The following BNC2 variants were observed in gnomAD, a reference collection of about 807,000 sequenced individuals.
BNC2 encodes the protein basonuclin zinc finger protein 2.
Under a neutral mutation model 76.3 loss-of-function variants are expected in BNC2, and 20 were observed. The observed-to-expected ratio is 0.26, with a 90% confidence interval of 0.18 to 0.38. The LOEUF is 0.38. Ranked by LOEUF, BNC2 falls within the 10% of genes least tolerant of loss-of-function variation. The pLI is 1.00. For missense variants in BNC2, 1,382 were observed against 1,399.8 expected (o/e 0.99, Z 0.20); for synonymous variants, 582 against 514.8 (o/e 1.13, Z -1.77).
At chr9:16,856,436 T>G (rs184864732) in intron 1 of BNC2, among the ~76,000 whole-genome samples, 13 of 152,166 alleles carry the variant, frequency 8.5e-5, no homozygotes, top group Non-Finnish European at 1.9e-4. Flanking sequence ...GAAGCGAAAA[T>G]ATTTCTTATT....
chr9:16,755,015 A>T (rs914294001), intron 1 of BNC2, among the ~76,000 whole-genome samples: 1 of 152,150 alleles, frequency 6.6e-6, no homozygotes, highest in Non-Finnish European at 1.5e-5. Context: ...GCCATTCTCC[A>T]CATATTGCCC....
At chr9:16,690,329 T>C (rs151115306) in intron 3 of BNC2, among the ~76,000 whole-genome samples, 1 of 151,556 alleles carries the variant, frequency 6.6e-6, no homozygotes, top group African/African-American at 2.4e-5. Context: ...GAAAGAAAAA[T>C]TAGCTGGGTG....
chr9:16,581,866 T>C (rs1049800896), intron 4 of BNC2, among the ~76,000 whole-genome samples: 1 of 152,042 alleles, frequency 6.6e-6, no homozygotes, highest in Non-Finnish European at 1.5e-5. Context: ...GACTGCAGGA[T>C]TGTGGCTGCA....
rs181973803 is a variant in BNC2, at chr9:16,626,384, A to G, written c.331-43299T>C. 47 of 152,330 alleles carry G rather than the reference A, an allele frequency of 3.1e-4. No individual in the cohort carries two copies. In the East Asian group the frequency reaches 8.1e-3, roughly 26 times the overall value. 9.4% of individuals were successfully genotyped at this position (152,330 alleles called of 1,614,324 possible). On this transcript the variant is annotated intron_variant, in intron 3 of 6. Coordinates refer to ENST00000380672, the MANE Select transcript of BNC2 (RefSeq NM_017637.6). ...CGATAAATGCTTAAAGAATATAATA[A>G]AAGTCGAAGTGTTTTTTCCTGCAAG... is the stretch of plus-strand genomic sequence containing the variant.
chr9:16,743,146 T>C (rs1340261244), intron 1 of BNC2, among the ~76,000 whole-genome samples: 1 of 152,170 alleles, frequency 6.6e-6, no homozygotes, highest in Non-Finnish European at 1.5e-5. Context: ...GGTGGAAACA[T>C]TTCTAACACA....
chr9:16,484,731 G>A (rs1396355224), intron 5 of BNC2, among the ~76,000 whole-genome samples: 2 of 152,140 alleles, frequency 1.3e-5, no homozygotes, highest in Non-Finnish European at 2.9e-5. Context: ...TTAAGTTTCA[G>A]GTGCTACATT....
chr9:16,539,832 G>GGAAAGGAAAGGAAA lies in BNC2; in HGVS notation c.669+12697_669+12698insTTTCCTTTCCTTTC, dbSNP rs1818263906. ...AGGAAAGGAAAGGAAAGGAAAGGAA[G>GGAAAGGAAAGGAAA]GGAAGGGAAGGGAAGGGAAAGGAAA... is the stretch of plus-strand genomic sequence containing the variant. On this transcript the variant is annotated intron_variant, in intron 5 of 6. Coordinates refer to ENST00000380672, the MANE Select transcript of BNC2 (RefSeq NM_017637.6). Among the ~76,000 whole-genome samples, 7 of 81,930 alleles carry GGAAAGGAAAGGAAA rather than the reference G, an allele frequency of 8.5e-5. No individual in the cohort carries two copies. In the South Asian group the frequency reaches 1.4e-3, roughly 16 times the overall value. 53.7% of individuals were successfully genotyped at this position (81,930 alleles called of 152,430 possible).
At chr9:16,455,292 C>G (rs1212625061) in intron 5 of BNC2, among the ~76,000 whole-genome samples, 1 of 152,130 alleles carries the variant, frequency 6.6e-6, no homozygotes, top group Non-Finnish European at 1.5e-5. Flanking sequence ...GCATCTTTTA[C>G]AGAAGACTTG....
At chr9:16,758,955 G>C (rs1470467065) in intron 1 of BNC2, among the ~76,000 whole-genome samples, 1 of 152,106 alleles carries the variant, frequency 6.6e-6, no homozygotes, top group Non-Finnish European at 1.5e-5. Flanking sequence ...AATGGGAAAA[G>C]TATTCTACGG....
intron 3 of BNC2, among the ~76,000 whole-genome samples, chr9:16,691,612 C>A (rs1394702711): frequency 6.8e-6 from 1 of 146,004 alleles, no homozygotes; most frequent in Non-Finnish European, 1.5e-5. Context: ...TGGGTTCAAG[C>A]GATTCTTCTG....
At chr9:16,696,371 A>G (rs1174081454) in intron 3 of BNC2, among the ~76,000 whole-genome samples, 1 of 152,138 alleles carries the variant, frequency 6.6e-6, no homozygotes, top group African/African-American at 2.4e-5. Flanking sequence ...ACTGATTTGG[A>G]CTTTCCTAAC....
chr9:16,586,955 T>C (rs80263524), intron 3 of BNC2, among the ~76,000 whole-genome samples: 2,414 of 152,318 alleles, frequency 0.016, 55 homozygotes, highest in Non-Finnish European at 0.018. Context: ...AGTAAATTAT[T>C]ACCTGTTATA....
At chr9:16,864,687 A>C (rs1443184986) in intron 1 of BNC2, among the ~76,000 whole-genome samples, 1 of 152,196 alleles carries the variant, frequency 6.6e-6, no homozygotes, top group Non-Finnish European at 1.5e-5. Context: ...TGACATGCAC[A>C]GAAGAGCTGC....
At chr9:16,456,641 C>T (rs1821455684) in intron 5 of BNC2, among the ~76,000 whole-genome samples, 1 of 152,044 alleles carries the variant, frequency 6.6e-6, no homozygotes, top group Non-Finnish European at 1.5e-5. Context: ...ACTTTCTCCC[C>T]AAATGCTCTG....
intron 3 of BNC2, among the ~76,000 whole-genome samples, chr9:16,668,063 T>C (rs1822354126): frequency 1.3e-5 from 2 of 152,236 alleles, no homozygotes; most frequent in South Asian, 4.1e-4. Flanking sequence ...ACCTGAAAGA[T>C]GAACAGGACT....
chr9:16,821,878 G>A, intron 1 of BNC2, among the ~76,000 whole-genome samples: 1 of 152,232 alleles, frequency 6.6e-6, no homozygotes, highest in South Asian at 2.1e-4. Flanking sequence ...CGGATCACGA[G>A]GTCAGGAGAT....
intron 5 of BNC2, among the ~76,000 whole-genome samples, chr9:16,517,712 A>C (rs1817480786): frequency 6.6e-6 from 1 of 152,192 alleles, no homozygotes; most frequent in African/African-American, 2.4e-5. Context: ...GAGACAAAAA[A>C]ATCATATCAT....
chr9:16,776,459 C>G (rs529338960), intron 1 of BNC2, among the ~76,000 whole-genome samples: 1 of 152,034 alleles, frequency 6.6e-6, no homozygotes, highest in Non-Finnish European at 1.5e-5. Context: ...TATTTAAATT[C>G]AGATTAAAAT....
intron 5 of BNC2, among the ~76,000 whole-genome samples, chr9:16,451,155 G>T (rs992263225): frequency 1.3e-5 from 2 of 152,020 alleles, no homozygotes; most frequent in African/African-American, 4.8e-5. Flanking sequence ...TGTGTTTAGG[G>T]GAGACAATTA....
Sources: gnomAD v4.1 joint callset for allele counts (sites outside exome capture counted in the v4.1 genomes callset) on GRCh38, gnomAD v4.1.1 for gene constraint, MANE v1.5 for transcripts, NCBI Gene and HGNC (gene_info 2026-07-23, HGNC 2026-07-21) for gene names.